The following DDX49 variants were observed in gnomAD, a reference collection of about 807,000 sequenced individuals.
DDX49 encodes probable ATP-dependent RNA helicase DDX49.
In DDX49, 50 loss-of-function variants were observed where a neutral mutation model predicts 56.3. The ratio of observed to expected loss-of-function variants is 0.89; its 90% CI spans 0.71 to 1.12. DDX49 has a LOEUF of 1.12. DDX49 is among the 50% of genes most tolerant of loss of function. The pLI is 0.00. For synonymous variants in DDX49, 269 were observed against 270.6 expected (o/e 0.99, Z 0.06); for missense variants, 614 against 650.5 (o/e 0.94, Z 0.61).
In DDX49 at chr19:18,919,715, A is replaced by C; in HGVS notation, c.-27A>C. On this transcript the variant is annotated 5_prime_UTR_variant, in exon 1 of 13. Transcript: ENST00000247003. ...AAGCGCGGATCACACGGGCCCCTAC[A>C]AGGGGCCCCTACAAGCGGCCACAAG... is the stretch of plus-strand genomic sequence containing the variant. 3 of 1,566,882 alleles carry C rather than the reference A, an allele frequency of 1.9e-6. No homozygotes were observed. Among genetic ancestry groups the C allele is most frequent in the Non-Finnish European group, 2.6e-6 (3 of 1,141,868 alleles).
intron 4 of DDX49, 143 bp downstream of exon 4, chr19:18,922,107 G>T: frequency 7.7e-7 from 1 of 1,294,336 alleles, no homozygotes; most frequent in Non-Finnish European, 1.0e-6. Flanking sequence ...ACAGTGACAA[G>T]GACCGTTCAA....
rs771350028 is a variant in DDX49, at chr19:18,924,221, C to T, written c.777-12C>T. The T allele has an allele frequency of 1.9e-6, 3 of 1,613,810 alleles. No individual in the cohort carries two copies. Among genetic ancestry groups the T allele is most frequent in the South Asian group, 1.1e-5 (1 of 91,080 alleles). On this transcript the variant is annotated splice_polypyrimidine_tract_variant and intron_variant, in intron 6 of 12. Transcript: ENST00000247003. ...GAGCTGGAGGGGTTGACAGGCACATCCTTCCCGCCAGGACCTGCCAGATTC... is the reference window on the plus strand; with the variant it reads ...GAGCTGGAGGGGTTGACAGGCACATTCTTCCCGCCAGGACCTGCCAGATTC...
In DDX49 at chr19:18,925,008, T is replaced by TGGGCCTCTGTCCCTC. The variant is rs1182746360; in HGVS notation, c.1027+30_1027+44dup. The TGGGCCTCTGTCCCTC allele has an allele frequency of 4.4e-6, 7 of 1,601,646 alleles. No individual in the cohort carries two copies. The Admixed American group carries it at 1.0e-4, about 23-fold the overall frequency. On this transcript the variant is annotated intron_variant, in intron 9 of 12. Coordinates refer to ENST00000247003, the MANE Select transcript of DDX49 (RefSeq NM_019070.5). ...AGCAGTGGAGGGGGAGGCCGAGCCT[T>TGGGCCTCTGTCCCTC]GGGCCTCTGTCCCTCCAGCCTGCCC...
intron 3 of DDX49, 23 bp from the exon 4 acceptor site, chr19:18,921,820 G>A: frequency 6.2e-7 from 1 of 1,613,998 alleles, no homozygotes; most frequent in Non-Finnish European, 8.5e-7. Flanking sequence ...GCCCAGCCCT[G>A]CCTCTCATGC....
rs888205871 is a variant in DDX49, at chr19:18,921,961, C to T, written c.444C>T (p.Phe148=). Residue 148 remains phenylalanine, a synonymous_variant, in exon 4 of 13, where the codon TTC becomes TTT. Coordinates refer to ENST00000247003, the MANE Select transcript of DDX49 (RefSeq NM_019070.5). ...CTTTTAGTATAAAGAAGATCCGCTT[C>T]CTGGTGAGTTCGCCCCGCCCCTGCA... ...SNTFSIKKIR[F]LVMDEADRLL... The T allele has an allele frequency of 3.7e-6, 6 of 1,606,798 alleles. No individual in the cohort carries two copies. Among genetic ancestry groups the T allele is most frequent in the Non-Finnish European group, 5.1e-6 (6 of 1,175,354 alleles).
At position 18,927,829 on chromosome 19, in the gene DDX49, A is replaced by G. The variant is rs1473868900; in HGVS notation, c.1166A>G (p.Asn389Ser). ...GTGCTACAGATCCTCACACAGGTCA[A>G]CGTGGTGCGAAGAGAGTGTGAGATC... ...AEVLQILTQV[N>S]VVRRECEIKL... Residue 389 changes from asparagine to serine, a missense_variant, in exon 11 of 13, where the codon AAC (asparagine) becomes AGC (serine). By Grantham distance (46) the Asn-to-Ser change is conservative. Coordinates refer to ENST00000247003, the MANE Select transcript of DDX49 (RefSeq NM_019070.5). 2 of 1,613,952 alleles carry G rather than the reference A, an allele frequency of 1.2e-6. No individual in the cohort carries two copies. The highest frequency in any genetic ancestry group is 1.7e-6 in the Non-Finnish European group (2 of 1,180,020).
chr19:18,920,790 C>G (rs2056909012), intron 2 of DDX49, 87 bp downstream of exon 2: 2 of 1,388,128 alleles, frequency 1.4e-6, no homozygotes, highest in African/African-American at 1.4e-5. Flanking sequence ...CGCCCTTTTC[C>G]CACGTGTGAG....
At chr19:18,926,506 C>A in intron 10 of DDX49, 129 bp downstream of exon 10, 1 of 965,898 alleles carries the variant, frequency 1.0e-6, no homozygotes, top group Non-Finnish European at 1.6e-6. Flanking sequence ...TAGGCTGGGG[C>A]TTCCTTCCCT....
chr19:18,922,924 G>A (rs1214798353), intron 6 of DDX49, among the ~76,000 whole-genome samples, 180 bp downstream of exon 6: 1 of 152,196 alleles, frequency 6.6e-6, no homozygotes, highest in Non-Finnish European at 1.5e-5. Context: ...CGGCCTTTGG[G>A]GTTCCTCAGC....
At position 18,922,807 on chromosome 19, in the gene DDX49, T is replaced by C; in HGVS notation, c.776+63T>C. 1.9e-6 allele frequency: 3 copies of C among 1,576,182 alleles called. No homozygotes were observed. In the South Asian group the frequency reaches 3.4e-5, roughly 18 times the overall value. ...AAAGGAGGAGGTGGCCCGACGTCTT[T>C]GGTCTGGGACACACAGCCAGTCTCA... On this transcript the variant is annotated intron_variant, in intron 6 of 12. Transcript: ENST00000247003.
intron 1 of DDX49, 91 bp from the exon 2 acceptor site, chr19:18,920,489 G>T: frequency 7.3e-7 from 1 of 1,377,362 alleles, no homozygotes; most frequent in Non-Finnish European, 1.0e-6. Context: ...AGTCCAGCCT[G>T]CCACTCACTG....
intron 10 of DDX49, 23 bp from the exon 11 acceptor site, chr19:18,927,743 C>T: frequency 6.2e-7 from 1 of 1,603,932 alleles, no homozygotes; most frequent in Non-Finnish European, 8.5e-7. Context: ...CCACCCCCAC[C>T]CCCGGCTTTG....
chr19:18,927,659 G>A, intron 10 of DDX49, 107 bp from the exon 11 acceptor site: 1 of 881,584 alleles, frequency 1.1e-6, no homozygotes, highest in Non-Finnish European at 1.8e-6. Context: ...TATGGCCCCA[G>A]ATGGCCTTGC....
At chr19:18,923,321 A>G (rs945533861) in intron 6 of DDX49, among the ~76,000 whole-genome samples, 3 of 152,178 alleles carry the variant, frequency 2.0e-5, no homozygotes, top group African/African-American at 7.2e-5. Context: ...CAGGAGTTCG[A>G]GACCAGCCTG....
chr19:18,922,105 A>G (rs1330209235), intron 4 of DDX49, 141 bp downstream of exon 4: 3 of 1,298,722 alleles, frequency 2.3e-6, no homozygotes, highest in Non-Finnish European at 3.1e-6. Context: ...GAACAGTGAC[A>G]AGGACCGTTC....
In DDX49 at chr19:18,919,747, A is replaced by T. The variant is rs999087844; in HGVS notation, c.6A>T (p.Ala2=). 8 of 1,609,632 alleles carry T rather than the reference A, an allele frequency of 5.0e-6. No homozygotes were observed. The highest frequency in any genetic ancestry group is 6.8e-6 in the Non-Finnish European group (8 of 1,176,770). The change falls in exon 1 of 13, where the codon GCA becomes GCT. Residue 2 remains alanine, a synonymous_variant. Coordinates refer to ENST00000247003, the MANE Select transcript of DDX49 (RefSeq NM_019070.5). ...CCCTACAAGCGGCCACAAGGATGGC[A>T]GGCTTCGCGGAGCTCGGGCTGTCAT... M[A]GFAELGLSSW... is the part of the protein sequence containing the mutation.
rs202092448 is a variant in DDX49 at position 18,928,150 on chromosome 19, G to A, written c.1286G>A (p.Arg429His). 1.3e-4 allele frequency: 212 copies of A among 1,600,578 alleles called. No homozygotes were observed. The highest frequency in any genetic ancestry group is 2.0e-4 in the East Asian group (9 of 44,174). Residue 429 changes from arginine (R) to histidine (H), a missense_variant, in exon 13 of 13, where the codon CGC (arginine) becomes CAC (histidine). Coordinates refer to ENST00000247003, the MANE Select transcript of DDX49 (RefSeq NM_019070.5). ...CAGGACCCTGACCTGGAGGCCAAGC[G>A]CAAGGCTGAGCTGGCCAAGATCAAG... is the stretch of plus-strand genomic sequence containing the variant. The part of the protein sequence containing the change: ...EGKDPDLEAK[R>H]KAELAKIKQK...
intron 1 of DDX49, 80 bp from the exon 2 acceptor site, chr19:18,920,500 G>A: frequency 7.0e-7 from 1 of 1,435,208 alleles, no homozygotes. Flanking sequence ...CCACTCACTG[G>A]CAGTGTGTCC....
rs956190146 is a variant in DDX49, at chr19:18,926,355, G to A, written c.1080G>A (p.Val360=). ...TGACACAGTACGACATCCACCTGGT[G>A]CACGCCATCGAGGAGCAGATCAGTG... ...TLVTQYDIHL[V]HAIEEQIKKK... is the part of the protein sequence containing the mutation. The change falls in exon 10 of 13, where the codon GTG becomes GTA. Residue 360 remains valine (V), a synonymous_variant. Transcript: ENST00000247003. 3.0e-6 allele frequency: 4 copies of A among 1,337,930 alleles called. No individual in the cohort carries two copies. Among genetic ancestry groups the A allele is most frequent in the Non-Finnish European group, 3.0e-6 (3 of 1,013,102 alleles). 82.9% of individuals were successfully genotyped at this position (1,337,930 alleles called of 1,614,324 possible).
Sources: gnomAD v4.1 joint callset for allele counts (sites outside exome capture counted in the v4.1 genomes callset) on GRCh38, gnomAD v4.1.1 for gene constraint, MANE v1.5 for transcripts, NCBI Gene and HGNC (gene_info 2026-07-23, HGNC 2026-07-21) for gene names.